The following LIMCH1 variants were observed in gnomAD, a reference collection of about 807,000 sequenced individuals.
The protein encoded by LIMCH1 is LIM and calponin homology domains 1.
In LIMCH1, 113 loss-of-function variants were observed where a neutral mutation model predicts 176.5. The ratio of observed to expected loss-of-function variants is 0.64; its 90% confidence interval spans 0.55 to 0.75. LIMCH1 has a LOEUF of 0.75. Among genes scored for constraint, LIMCH1 ranks in the 30% least tolerant of loss-of-function variants. The pLI, the probability that LIMCH1 is intolerant of heterozygous loss-of-function variation, is 0.00. For synonymous variants in LIMCH1, 619 were observed against 645.9 expected, an observed-to-expected ratio of 0.96 and a Z score of 0.63; for missense variants, 1,674 against 1,814.9, an observed-to-expected ratio of 0.92 and a Z score of 1.41.
chr4:41,646,721 A>C lies in LIMCH1; in HGVS notation c.2648A>C (p.Lys883Thr). The change falls in exon 17 of 32, where the codon AAA becomes ACA. Residue 883 changes from lysine (K) to threonine (T), a missense_variant. Lys to Thr is a moderately conservative substitution (Grantham distance 78). Coordinates refer to ENST00000503057, the MANE Select transcript of LIMCH1 (RefSeq NM_001330672.2). ...CGGCAACAGTCACTGCCTCCACCCA[A>C]ATTCACTGCCACTGTTGAAACCACC... ...YLRQQSLPPPKFTATVETTIA... is the reference protein window; with the variant it reads ...YLRQQSLPPPTFTATVETTIA... 3.7e-6 allele frequency: 6 copies of C among 1,614,116 alleles called. No individual in the cohort carries two copies. Among genetic ancestry groups the C allele is most frequent in the Non-Finnish European group, 4.2e-6 (5 of 1,180,018 alleles).
At chr4:41,494,399 A>G (rs1365323063) in intron 1 of LIMCH1, 2 of 576,696 alleles carry the variant, frequency 3.5e-6, no homozygotes, top group South Asian at 2.1e-5. Flanking sequence ...ATATACGTAC[A>G]TACACATAAA....
chr4:41,544,553 T>C (rs1250192289), intron 1 of LIMCH1, among the ~76,000 whole-genome samples: 1 of 152,166 alleles, frequency 6.6e-6, no homozygotes. Context: ...GGTTCCCTAA[T>C]TATTCCATTA....
rs1255377643 is a variant in LIMCH1, at chr4:41,699,772, C to T, written c.*2587C>T. ...AGCGAACTTCCATGACATTTCCTTTCTATGTAGTGTGATTAATGCAATACA... is the reference window on the plus strand; with the variant it reads ...AGCGAACTTCCATGACATTTCCTTTTTATGTAGTGTGATTAATGCAATACA... On this transcript the variant is annotated 3_prime_UTR_variant, in exon 32 of 32. Coordinates refer to ENST00000503057, the MANE Select transcript of LIMCH1 (RefSeq NM_001330672.2). 6.6e-6 allele frequency: 1 copy of T among 152,040 alleles called. No individual in the cohort carries two copies. Among genetic ancestry groups the T allele is most frequent in the Non-Finnish European group, 1.5e-5 (1 of 68,010 alleles). The allele number at this position is 152,040 out of a possible 1,614,324, so 9.4% of individuals were successfully genotyped here.
intron 1 of LIMCH1, among the ~76,000 whole-genome samples, chr4:41,404,744 G>C (rs544295309): frequency 6.6e-6 from 1 of 152,046 alleles, no homozygotes; most frequent in African/African-American, 2.4e-5. Flanking sequence ...GTGCCACTAC[G>C]CTCCAGCCTG....
At chr4:41,481,024 T>A (rs532641059) in intron 1 of LIMCH1, among the ~76,000 whole-genome samples, 1 of 152,184 alleles carries the variant, frequency 6.6e-6, no homozygotes, top group Admixed American at 6.5e-5. Context: ...TAATTAGATT[T>A]TTTTTTTTTT....
At chr4:41,432,296 T>G (rs1404064563) in intron 1 of LIMCH1, among the ~76,000 whole-genome samples, 1 of 152,220 alleles carries the variant, frequency 6.6e-6, no homozygotes, top group Non-Finnish European at 1.5e-5. Context: ...TCTAAACTTC[T>G]TTTCTGGATG....
chr4:41,577,009 AG>A (rs2152655219), intron 1 of LIMCH1, among the ~76,000 whole-genome samples: 1 of 152,214 alleles, frequency 6.6e-6, no homozygotes, highest in South Asian at 2.1e-4. Flanking sequence ...CAGCATTCCC[AG>A]GATGTTAAGC....
chr4:41,511,207 T>A (rs971163826), intron 2 of LIMCH1, among the ~76,000 whole-genome samples: 2 of 152,238 alleles, frequency 1.3e-5, no homozygotes, highest in African/African-American at 4.8e-5. Context: ...TCACAGAGGT[T>A]GATCTATTAT....
At chr4:41,601,613 CAG>C (rs960109998) in intron 2 of LIMCH1, among the ~76,000 whole-genome samples, 3 of 152,124 alleles carry the variant, frequency 2.0e-5, no homozygotes, top group African/African-American at 7.2e-5. Flanking sequence ...ATGTTGAACT[CAG>C]AATCATTATA....
chr4:41,464,297 T>C (rs1171130748), intron 1 of LIMCH1, among the ~76,000 whole-genome samples: 1 of 151,834 alleles, frequency 6.6e-6, no homozygotes, highest in Non-Finnish European at 1.5e-5. Flanking sequence ...CTCTTCCCTC[T>C]TTACTTCCTT....
At chr4:41,448,964 C>T (rs951167809) in intron 1 of LIMCH1, among the ~76,000 whole-genome samples, 1 of 152,078 alleles carries the variant, frequency 6.6e-6, no homozygotes, top group African/African-American at 2.4e-5. Context: ...ATGATGTATG[C>T]CACTGTACTG....
At chr4:41,614,435 A>G (rs1286502730) in intron 5 of LIMCH1, among the ~76,000 whole-genome samples, 5 of 152,200 alleles carry the variant, frequency 3.3e-5, no homozygotes, top group African/African-American at 1.2e-4. Context: ...TATTCTACAT[A>G]TATAAACTTG....
chr4:41,459,872 G>A (rs1041921595), intron 1 of LIMCH1, among the ~76,000 whole-genome samples: 1 of 152,152 alleles, frequency 6.6e-6, no homozygotes, highest in African/African-American at 2.4e-5. Context: ...GGGAAAGCTA[G>A]AGCATGGAGG....
chr4:41,682,126 C>G (rs1445850708), intron 25 of LIMCH1, among the ~76,000 whole-genome samples: 2 of 152,162 alleles, frequency 1.3e-5, no homozygotes, highest in East Asian at 1.9e-4. Context: ...AATCAATTCC[C>G]TTTTGTGATA....
At chr4:41,673,939 A>G (rs755058658) in intron 22 of LIMCH1, among the ~76,000 whole-genome samples, 3 of 151,702 alleles carry the variant, frequency 2.0e-5, no homozygotes, top group Non-Finnish European at 2.9e-5. Flanking sequence ...TCACTTTTCC[A>G]CTCCACACAC....
intron 1 of LIMCH1, among the ~76,000 whole-genome samples, chr4:41,436,538 C>T (rs2062099298): frequency 6.6e-6 from 1 of 152,072 alleles, no homozygotes; most frequent in Non-Finnish European, 1.5e-5. Context: ...CTATTTGCAG[C>T]ACAAGTTCCA....
chr4:41,402,106 G>C (rs990293879), intron 1 of LIMCH1, among the ~76,000 whole-genome samples: 1 of 152,058 alleles, frequency 6.6e-6, no homozygotes, highest in Non-Finnish European at 1.5e-5. Context: ...TCCCTGTCTT[G>C]TGCCAGTTTT....
chr4:41,591,242 TCTTGCTTG>T (rs1030609239), intron 1 of LIMCH1, among the ~76,000 whole-genome samples: 4 of 150,448 alleles, frequency 2.7e-5, no homozygotes, highest in East Asian at 1.9e-4. Flanking sequence ...TTTCTTTCTT[TCTTGCTTG>T]CTTGCTTGCT....
Position 41,429,156 on chromosome 4 carries a change from T to C in LIMCH1, c.97-65380T>C, listed in dbSNP as rs554269340. On this transcript the variant is annotated intron_variant, in intron 1 of 26. Transcript: ENST00000313860. ...TCCTCCTCCCAACTTGATAGCAGAT[T>C]TTTGATATTACAGTCCATCTGTGCA... 1.5e-4 allele frequency among the ~76,000 whole-genome samples: 23 copies of C among 152,284 alleles called. No individual in the cohort carries two copies. The South Asian group carries it at 4.8e-3, about 32-fold the overall frequency.
Sources: gnomAD v4.1 joint callset for allele counts (sites outside exome capture counted in the v4.1 genomes callset) on GRCh38, gnomAD v4.1.1 for gene constraint, MANE v1.5 for transcripts, NCBI Gene and HGNC (gene_info 2026-07-23, HGNC 2026-07-21) for gene names.